Variants in TBC1D30 observed in about 807,000 individuals in gnomAD.
The protein encoded by TBC1D30 is TBC1 domain family, member 30.
In TBC1D30, 31 loss-of-function variants were observed where a neutral mutation model predicts 63.2. The observed-to-expected ratio is 0.49, with a 90% CI of 0.37 to 0.66. The LOEUF (loss-of-function observed/expected upper bound fraction) is 0.66. TBC1D30 is among the 30% of genes least tolerant of loss of function. The pLI, the probability that TBC1D30 is intolerant of heterozygous loss-of-function variation, is 0.00. For synonymous variants in TBC1D30, 307 were observed against 361.5 expected, an observed-to-expected ratio of 0.85 and a Z score of 1.71; for missense variants, 810 against 953.6, an observed-to-expected ratio of 0.85 and a Z score of 1.98.
At chr12:64,821,232 G>A (rs981673857), upstream of TBC1D30, among the ~76,000 whole-genome samples, 9 of 152,236 alleles carry the variant, frequency 5.9e-5, no homozygotes, top group Admixed American at 3.9e-4. Flanking sequence ...CTATTAACTG[G>A]TCAGTATATT....
At chr12:64,821,492 C>T (rs1165672826), upstream of TBC1D30, among the ~76,000 whole-genome samples, 1 of 152,156 alleles carries the variant, frequency 6.6e-6, no homozygotes, top group African/African-American at 2.4e-5. Flanking sequence ...AACACAAAAC[C>T]CTCTAAGATT....
Position 64,870,737 on chromosome 12 carries a change from C to T in TBC1D30, c.1427C>T (p.Ala476Val), listed in dbSNP as rs1473574051. 3.3e-6 allele frequency: 5 copies of T among 1,536,056 alleles called. No individual in the cohort carries two copies. Among genetic ancestry groups the T allele is most frequent in the Non-Finnish European group, 4.4e-6 (5 of 1,146,884 alleles). Residue 476 changes from alanine (A) to valine (V), a missense_variant, in exon 11 of 12, where the codon GCA (alanine) becomes GTA (valine). Around this residue, in one of 4 missense-constraint regions of TBC1D30, gnomAD observed 450 missense variants for 473.0 expected, o/e 0.95. Coordinates refer to ENST00000539867, the MANE Select transcript of TBC1D30 (RefSeq NM_015279.2). Reference sequence around the variant, plus strand: ...GAACGCATGACCACAGATATCAATGCACTGAAGCGGCAGTACTCTCGAATT... The same window carrying T: ...GAACGCATGACCACAGATATCAATGTACTGAAGCGGCAGTACTCTCGAATT... Reference protein sequence around the residue: ...MMERMTTDINALKRQYSRIKK... With the variant: ...MMERMTTDINVLKRQYSRIKK...
intron 2 of TBC1D30, among the ~76,000 whole-genome samples, chr12:64,791,870 CTAACGT>C (rs1208999628): frequency 6.6e-6 from 1 of 152,116 alleles, no homozygotes; most frequent in African/African-American, 2.4e-5. Flanking sequence ...AAGGCGTAAG[CTAACGT>C]ACTTGGCCTG....
chr12:64,866,715 A>C, intron 9 of TBC1D30, 49 bp from the exon 10 acceptor site: 1 of 1,495,998 alleles, frequency 6.7e-7, no homozygotes, highest in South Asian at 1.2e-5. Flanking sequence ...GTTTTAAAAT[A>C]CCATGGTTTT....
At position 64,785,853 on chromosome 12, in the gene TBC1D30, C is replaced by T. The variant is rs145185041; in HGVS notation, c.479-28C>T. 6.1e-4 allele frequency: 779 copies of T among 1,280,170 alleles called. 1 individual carries two copies. In the African/African-American group the frequency reaches 0.011, roughly 18 times the overall value. The allele number at this position is 1,280,170 out of a possible 1,614,324, so 79.3% of individuals were successfully genotyped here. On this transcript the variant is annotated intron_variant, in intron 1 of 12. Transcript: ENST00000542120. The stretch of plus-strand genomic sequence containing the variant: ...TTTGTATTCCTCTCAAGGTATTAAT[C>T]GTTATTCTTATTTTTCTTTACTGAT...
chr12:64,871,809 A>G (rs1341337447), intron 11 of TBC1D30, among the ~76,000 whole-genome samples: 3 of 152,220 alleles, frequency 2.0e-5, no homozygotes, highest in Non-Finnish European at 2.9e-5. Context: ...CCAGGGTTAT[A>G]TAGCTATAGT....
intron 2 of TBC1D30, among the ~76,000 whole-genome samples, chr12:64,801,947 C>T (rs561319572): frequency 1.6e-4 from 24 of 152,136 alleles, no homozygotes; most frequent in Admixed American, 5.2e-4. Flanking sequence ...TGCTTTTTGG[C>T]GTTTTTGCTG....
chr12:64,768,960 C>T (rs1021413418), intron 1 of TBC1D30, among the ~76,000 whole-genome samples: 1 of 151,982 alleles, frequency 6.6e-6, no homozygotes, highest in African/African-American at 2.4e-5. Context: ...AGTTCGAGAC[C>T]AGTCTGTGCA....
At chr12:64,780,373 C>A (rs768265165), upstream of TBC1D30, among the ~76,000 whole-genome samples, 39 of 152,242 alleles carry the variant, frequency 2.6e-4, no homozygotes, top group Non-Finnish European at 5.0e-4. Context: ...GGCATTATTT[C>A]TAGCTGGCGG....
intron 2 of TBC1D30, 80 bp downstream of exon 2, chr12:64,827,976 C>A: frequency 1.0e-6 from 1 of 970,558 alleles, no homozygotes; most frequent in Non-Finnish European, 1.5e-6. Flanking sequence ...GTGGAAATAA[C>A]GTATTCTTTG....
chr12:64,805,854 TAAATA>T (rs1872839108), intron 2 of TBC1D30, among the ~76,000 whole-genome samples: 1 of 152,032 alleles, frequency 6.6e-6, no homozygotes, highest in Non-Finnish European at 1.5e-5. Context: ...TAAAATAAAA[TAAATA>T]AAATAGTTTC....
Position 64,877,135 on chromosome 12 carries a change from C to G in TBC1D30, c.*1347C>G, listed in dbSNP as rs890719071. ...GTCCCTTGATGGCATTTTACAAAACCAGCTCTGACTTCCTTATCCTGAACA... is the reference window on the plus strand; with the variant it reads ...GTCCCTTGATGGCATTTTACAAAACGAGCTCTGACTTCCTTATCCTGAACA... On this transcript the variant is annotated 3_prime_UTR_variant, in exon 12 of 12. Transcript: ENST00000539867. 7 of 292,520 alleles carry G rather than the reference C, an allele frequency of 2.4e-5. No individual in the cohort carries two copies. Among genetic ancestry groups the G allele is most frequent in the African/African-American group, 4.4e-5 (2 of 45,746 alleles). The allele number at this position is 292,520 out of a possible 1,614,324, so 18.1% of individuals were successfully genotyped here.
At chr12:64,776,879 A>G (rs1024914215), upstream of TBC1D30, among the ~76,000 whole-genome samples, 1 of 152,226 alleles carries the variant, frequency 6.6e-6, no homozygotes, top group African/African-American at 2.4e-5. Context: ...GGCAAACTGA[A>G]TCCAGCAGCA....
In TBC1D30 at chr12:64,881,032, A is replaced by AG. The variant is rs1319924094; in HGVS notation, c.*5244_*5245insG. 3 of 151,816 alleles carry AG rather than the reference A, an allele frequency of 2.0e-5. No individual in the cohort carries two copies. Among genetic ancestry groups the AG allele is most frequent in the African/African-American group, 7.3e-5 (3 of 41,270 alleles). 9.4% of individuals were successfully genotyped at this position (151,816 alleles called of 1,614,324 possible). On this transcript the variant is annotated 3_prime_UTR_variant, in exon 12 of 12. Coordinates refer to ENST00000539867, the MANE Select transcript of TBC1D30 (RefSeq NM_015279.2). ...GAAACAAAGCAAAAAATAAAAAAAA[A>AG]CCTCCTTAGTAATTGTTTTCTTTTT...
intron 1 of TBC1D30, among the ~76,000 whole-genome samples, chr12:64,772,218 CAA>C (rs558467184): frequency 4.3e-3 from 381 of 88,818 alleles, no homozygotes; most frequent in African/African-American, 0.016. Flanking sequence ...GCCTGGGCAA[CAA>C]GAGTGAAACT....
intron 6 of TBC1D30, among the ~76,000 whole-genome samples, 166 bp downstream of exon 6, chr12:64,836,824 A>G (rs1875406626): frequency 6.6e-6 from 1 of 152,206 alleles, no homozygotes; most frequent in Admixed American, 6.5e-5. Flanking sequence ...GACAACAACA[A>G]AAGGCCACAT....
chr12:64,781,044 C>T, exon 1 of TBC1D30: 1 of 1,021,830 alleles, frequency 9.8e-7, no homozygotes, highest in Non-Finnish European at 1.2e-6. Flanking sequence ...AGCCGCACGG[C>T]GTCCCTGGTG....
At chr12:64,871,640 C>G (rs993541425) in intron 11 of TBC1D30, among the ~76,000 whole-genome samples, 11 of 152,214 alleles carry the variant, frequency 7.2e-5, no homozygotes, top group African/African-American at 2.7e-4. Context: ...AAACCAGTCA[C>G]AAAATAACTG....
At chr12:64,770,583 G>A (rs934625145) in intron 1 of TBC1D30, among the ~76,000 whole-genome samples, 3 of 152,168 alleles carry the variant, frequency 2.0e-5, no homozygotes, top group Non-Finnish European at 2.9e-5. Context: ...AGGTGTGCAC[G>A]TGTGACAACT....
Sources: gnomAD v4.1 joint callset for allele counts (sites outside exome capture counted in the v4.1 genomes callset) on GRCh38, gnomAD v4.1.1 for gene constraint, gnomAD v4.1.1 regional missense constraint, MANE v1.5 for transcripts, NCBI Gene and HGNC (gene_info 2026-07-23, HGNC 2026-07-21) for gene names.